EXTL3: variants seen among roughly 807,000 people sequenced by gnomAD.
EXTL3 encodes exostosin-like 3.
In EXTL3, 27 loss-of-function variants were observed where a neutral mutation model predicts 69.3. The observed-to-expected ratio is 0.39, with a 90% CI of 0.29 to 0.54. EXTL3 has a LOEUF of 0.54. Among genes scored for constraint, EXTL3 ranks in the 20% least tolerant of loss-of-function variants. The pLI is 0.69. For missense variants in EXTL3, 1,003 were observed against 1,231.8 expected (o/e 0.81, Z 2.78); for synonymous variants, 511 against 499.4 (o/e 1.02, Z -0.31).
intron 2 of EXTL3, among the ~76,000 whole-genome samples, chr8:28,613,997 T>A (rs184908840): frequency 2.3e-4 from 35 of 151,980 alleles, no homozygotes; most frequent in African/African-American, 8.2e-4. Context: ...CTACTTTTTT[T>A]ATGTTTTTGT....
intron 3 of EXTL3, chr8:28,730,318 T>A (rs1801511217): frequency 6.6e-6 from 1 of 152,180 alleles, no homozygotes; most frequent in South Asian, 2.1e-4. Flanking sequence ...GCTCTTTGTT[T>A]TTGGGGTTTG....
In EXTL3 at chr8:28,656,440, G is replaced by A. The variant is rs138140615; in HGVS notation, c.-53+33630G>A. On this transcript the variant is annotated intron_variant, in intron 1 of 6. Coordinates refer to the EXTL3 transcript ENST00000523149. ...AGCTTCCCAAAGTGCTGGGATTATA[G>A]GCATGAGCCACTGCGCCCAACCTGT... 5.6e-4 allele frequency among the ~76,000 whole-genome samples: 85 copies of A among 152,258 alleles called. 1 individual carries two copies. Among genetic ancestry groups the A allele is most frequent in the African/African-American group, 2.0e-3 (84 of 41,550 alleles).
At chr8:28,625,192 G>T (rs1261822441) in intron 1 of EXTL3, among the ~76,000 whole-genome samples, 1 of 152,166 alleles carries the variant, frequency 6.6e-6, no homozygotes, top group Non-Finnish European at 1.5e-5. Context: ...TGGACTCATA[G>T]CTTTAGCTCA....
intron 1 of EXTL3, among the ~76,000 whole-genome samples, chr8:28,650,356 CTTATTA>C (rs368361713): frequency 1.3e-4 from 20 of 150,824 alleles, no homozygotes; most frequent in East Asian, 7.8e-4. Context: ...ATTGTATTTA[CTTATTA>C]TTATTATTAT....
chr8:28,727,361 AC>A (rs1383617278), intron 3 of EXTL3, among the ~76,000 whole-genome samples: 3 of 152,050 alleles, frequency 2.0e-5, no homozygotes, highest in African/African-American at 4.8e-5. Context: ...TAAGTAATGG[AC>A]TTTAATAAAC....
Position 28,680,249 on chromosome 8 carries a change from G to A in EXTL3, c.-52-33208G>A, listed in dbSNP as rs1235782837. 4.6e-5 allele frequency among the ~76,000 whole-genome samples: 7 copies of A among 151,846 alleles called. No homozygotes were observed. In the East Asian group the frequency reaches 9.7e-4, roughly 21 times the overall value. ...TCTACAAAAATACAAAAATTAGCTG[G>A]GCATGATGGCAGGTGCCTGTAATCC... is the stretch of plus-strand genomic sequence containing the variant. On this transcript the variant is annotated intron_variant, in intron 1 of 6. Coordinates refer to the EXTL3 transcript ENST00000523149.
chr8:28,656,808 G>A lies in EXTL3; in HGVS notation c.-53+33998G>A, dbSNP rs535006792. Among the ~76,000 whole-genome samples, 6 of 152,156 alleles carry A rather than the reference G, an allele frequency of 3.9e-5. No homozygotes were observed. In the East Asian group the frequency reaches 1.2e-3, roughly 29 times the overall value. ...TTACTCCTTTCATAACCCCTAAAGA[G>A]CTGAGAAAAAAAATTGATGAAGACT... On this transcript the variant is annotated intron_variant, in intron 1 of 6. Transcript: ENST00000523149.
intron 1 of EXTL3, among the ~76,000 whole-genome samples, chr8:28,653,797 A>G (rs1331897693): frequency 1.3e-5 from 2 of 152,204 alleles, no homozygotes; most frequent in Non-Finnish European, 2.9e-5. Context: ...GCTTTGTAAT[A>G]CGTTTTGAAA....
At chr8:28,724,012 G>A (rs988559324) in intron 3 of EXTL3, among the ~76,000 whole-genome samples, 2 of 151,172 alleles carry the variant, frequency 1.3e-5, no homozygotes, top group Admixed American at 6.6e-5. Flanking sequence ...ATTTCTTGGA[G>A]AAGCACAAAC....
chr8:28,705,075 C>A (rs1392897459), intron 1 of EXTL3, among the ~76,000 whole-genome samples: 1 of 152,174 alleles, frequency 6.6e-6, no homozygotes, highest in Admixed American at 6.5e-5. Flanking sequence ...GGCCTTAAAG[C>A]CTTATGCCTG....
chr8:28,636,361 G>T (rs534875911), intron 1 of EXTL3, among the ~76,000 whole-genome samples: 14 of 149,804 alleles, frequency 9.3e-5, no homozygotes, highest in African/African-American at 3.2e-4. Flanking sequence ...TGTCTAACTC[G>T]CCAGGAGACA....
intron 1 of EXTL3, among the ~76,000 whole-genome samples, chr8:28,705,240 T>G (rs1244471691): frequency 1.3e-5 from 2 of 152,200 alleles, no homozygotes; most frequent in African/African-American, 4.8e-5. Flanking sequence ...AAAGGATCTT[T>G]GAGGTCATCC....
chr8:28,737,630 C>G lies in EXTL3; in HGVS notation c.2388C>G (p.Ser796=), dbSNP rs1665160459. 6.2e-7 allele frequency: 1 copy of G among 1,613,984 alleles called. No individual in the cohort carries two copies. Among genetic ancestry groups the G allele is most frequent in the African/African-American group, 1.3e-5 (1 of 74,944 alleles). Residue 796 remains serine, a synonymous_variant, in exon 5 of 7, where the codon TCC becomes TCG. Transcript: ENST00000220562. ...ACTCCAACTACTCCTGTGAGCTGTCCATGGTGCTGACAGGTGCTGCCTTCT... is the reference window on the plus strand; with the variant it reads ...ACTCCAACTACTCCTGTGAGCTGTCGATGGTGCTGACAGGTGCTGCCTTCT... ...LYNSNYSCEL[S]MVLTGAAFFH...
intron 1 of EXTL3, among the ~76,000 whole-genome samples, chr8:28,683,225 A>C (rs1268441775): frequency 2.0e-5 from 3 of 152,116 alleles, no homozygotes; most frequent in African/African-American, 4.8e-5. Context: ...TGTTTTGGCT[A>C]TTCAGGGTCT....
rs968821948 is a variant in EXTL3, at chr8:28,731,257, G to A, written c.2183G>A (p.Arg728Gln). The change falls in exon 4 of 7, where the codon CGA becomes CAA. Residue 728 changes from arginine (R) to glutamine (Q), a missense_variant. Physicochemically the swap from Arg to Gln is conservative, Grantham distance 43. Around this residue, in one of 2 missense-constraint regions of EXTL3, gnomAD observed 261 missense variants for 416.4 expected, o/e 0.63. Coordinates refer to ENST00000220562, the MANE Select transcript of EXTL3 (RefSeq NM_001440.4). The stretch of plus-strand genomic sequence containing the variant: ...ACTGAGAAGAACAGTTTGAACAACC[G>A]ATTCTTACCCTGGAATGAAATTGAG... The part of the protein sequence containing the change: ...VRTEKNSLNN[R>Q]FLPWNEIETE... The A allele has an allele frequency of 2.5e-6, 4 of 1,613,932 alleles. No individual in the cohort carries two copies. The highest frequency in any genetic ancestry group is 1.3e-5 in the African/African-American group (1 of 74,904).
upstream of EXTL3, chr8:28,697,260 T>C (rs1401538024): frequency 2.0e-5 from 3 of 152,156 alleles, no homozygotes; most frequent in African/African-American, 7.2e-5. Context: ...GGGAACAAGC[T>C]CTATTTACAA....
chr8:28,615,302 T>G (rs1034437206), intron 2 of EXTL3, among the ~76,000 whole-genome samples: 14 of 152,234 alleles, frequency 9.2e-5, no homozygotes, highest in Non-Finnish European at 1.9e-4. Flanking sequence ...GTATCTTTAC[T>G]GATTTTCTGC....
chr8:28,727,670 C>CAA (rs1284833520), intron 3 of EXTL3, among the ~76,000 whole-genome samples: 1 of 152,178 alleles, frequency 6.6e-6, no homozygotes, highest in African/African-American at 2.4e-5. Flanking sequence ...CTGGCATTCA[C>CAA]ACGTCTAGTA....
intron 1 of EXTL3, among the ~76,000 whole-genome samples, chr8:28,643,612 G>A (rs1401427637): frequency 1.3e-5 from 2 of 151,604 alleles, no homozygotes; most frequent in Non-Finnish European, 2.9e-5. Context: ...TAGAGATGGG[G>A]TTTCACCGTG....
Sources: allele counts gnomAD v4.1 joint callset (sites outside exome capture counted in the v4.1 genomes callset), GRCh38; gene constraint gnomAD v4.1.1; regional missense constraint gnomAD v4.1.1; transcripts MANE v1.5; gene names NCBI Gene and HGNC (gene_info 2026-07-23, HGNC 2026-07-21).